AKAP13: variants seen among roughly 807,000 people sequenced by gnomAD.
AKAP13 encodes A-kinase anchoring protein 13, also known as A-kinase anchor protein 13.
A neutral mutation model predicts 264.5 loss-of-function variants in AKAP13; 80 were observed. The ratio of observed to expected loss-of-function variants is 0.30; its 90% CI spans 0.25 to 0.36. The LOEUF is 0.36. Ranked by LOEUF, AKAP13 falls within the 10% of genes least tolerant of loss-of-function variation. AKAP13 has a pLI of 1.00. For synonymous variants in AKAP13, 1,380 were observed against 1,250.2 expected, an observed-to-expected ratio of 1.10 and a Z score of -2.19; for missense variants, 3,712 against 3,435.2, an observed-to-expected ratio of 1.08 and a Z score of -2.01.
At chr15:85,512,587 A>G (rs1183734030) in intron 2 of AKAP13, among the ~76,000 whole-genome samples, 1 of 152,166 alleles carries the variant, frequency 6.6e-6, no homozygotes, top group Non-Finnish European at 1.5e-5. Context: ...TCCTACTTGG[A>G]TTTGAATTCC....
intron 2 of AKAP13, among the ~76,000 whole-genome samples, chr15:85,489,359 T>C (rs7164106): frequency 0.51 from 77,689 of 152,002 alleles, 20,407 homozygotes; most frequent in Middle Eastern, 0.61. Flanking sequence ...ACTTCAGGAT[T>C]CAAGTATGTC....
intron 1 of AKAP13, among the ~76,000 whole-genome samples, chr15:85,418,067 CAT>C (rs1491004419): frequency 7.5e-6 from 1 of 133,910 alleles, no homozygotes; most frequent in African/African-American, 3.2e-5. Flanking sequence ...TTATTATTAT[CAT>C]TATTATTATT....
At chr15:85,420,218 G>A (rs2072460653) in intron 1 of AKAP13, among the ~76,000 whole-genome samples, 1 of 151,872 alleles carries the variant, frequency 6.6e-6, no homozygotes, top group Admixed American at 6.5e-5. Context: ...TGGGATTACA[G>A]GCGTGAGCCA....
chr15:85,736,905 T>A (rs982409607), intron 33 of AKAP13, among the ~76,000 whole-genome samples: 1 of 140,852 alleles, frequency 7.1e-6, no homozygotes, highest in South Asian at 2.2e-4. Flanking sequence ...TCAAGTTATA[T>A]CATCATCTTT....
intron 2 of AKAP13, among the ~76,000 whole-genome samples, chr15:85,512,477 C>A (rs2076462247): frequency 1.3e-5 from 2 of 152,134 alleles, no homozygotes; most frequent in Non-Finnish European, 2.9e-5. Context: ...CTTCTATCAA[C>A]AATGATCTCT....
chr15:85,544,054 G>C (rs753589687), intron 5 of AKAP13, 99 bp downstream of exon 5: 2 of 1,428,740 alleles, frequency 1.4e-6, no homozygotes, highest in Non-Finnish European at 2.0e-6. Flanking sequence ...TGTGTTTGCC[G>C]CAAATTAAAA....
At chr15:85,388,951 G>A (rs979508848) in intron 1 of AKAP13, among the ~76,000 whole-genome samples, 3 of 152,180 alleles carry the variant, frequency 2.0e-5, no homozygotes, top group Non-Finnish European at 4.4e-5. Flanking sequence ...AAACTTATGT[G>A]TGTAAGTTGC....
At chr15:85,498,197 GAGATATATATATAT>G (rs71138401) in intron 2 of AKAP13, among the ~76,000 whole-genome samples, 1,101 of 30,088 alleles carry the variant, frequency 0.037, 31 homozygotes, top group Non-Finnish European at 0.056. Context: ...TAAATGAAGT[GAGATATATATATAT>G]ATATATATAT....
chr15:85,504,949 T>C (rs1044262966), intron 2 of AKAP13, among the ~76,000 whole-genome samples: 7 of 151,874 alleles, frequency 4.6e-5, no homozygotes, highest in Non-Finnish European at 8.8e-5. Context: ...TCTCTCTCTC[T>C]CCCTCTCTTT....
intron 23 of AKAP13, among the ~76,000 whole-genome samples, chr15:85,720,837 G>C (rs1416797310): frequency 6.6e-6 from 1 of 152,218 alleles, no homozygotes; most frequent in Non-Finnish European, 1.5e-5. Flanking sequence ...TAAATGCCAG[G>C]TAGAACTACA....
chr15:85,606,683 T>TA (rs1216832239), intron 8 of AKAP13, among the ~76,000 whole-genome samples: 1 of 152,190 alleles, frequency 6.6e-6, no homozygotes, highest in African/African-American at 2.4e-5. Context: ...GAAGAGATCT[T>TA]AAAGACTTTT....
intron 17 of AKAP13, among the ~76,000 whole-genome samples, chr15:85,695,632 A>G (rs533158994): frequency 1.3e-5 from 2 of 152,312 alleles, no homozygotes; most frequent in East Asian, 1.9e-4. Flanking sequence ...AGTCAGCAAC[A>G]CTATTTGTTT....
chr15:85,609,273 C>T (rs2080492236), intron 8 of AKAP13, among the ~76,000 whole-genome samples: 1 of 152,168 alleles, frequency 6.6e-6, no homozygotes. Flanking sequence ...CTCTTCTCCC[C>T]ATCCTTGTCC....
chr15:85,677,195 T>G (rs930158451), intron 14 of AKAP13: 1 of 925,620 alleles, frequency 1.1e-6, no homozygotes, highest in African/African-American at 1.8e-5. Context: ...TATGGGGGCT[T>G]TTAGCCTCTT....
intron 5 of AKAP13, 52 bp downstream of exon 5, chr15:85,544,007 C>T (rs760143436): frequency 8.1e-6 from 13 of 1,597,662 alleles, no homozygotes; most frequent in Admixed American, 6.7e-5. Context: ...GCCCCACCCC[C>T]GATTCATAGG....
intron 2 of AKAP13, among the ~76,000 whole-genome samples, chr15:85,498,994 A>T (rs1448427227): frequency 6.6e-6 from 1 of 152,238 alleles, no homozygotes; most frequent in African/African-American, 2.4e-5. Context: ...CTATGAATTA[A>T]ATTGGAACTG....
intron 8 of AKAP13, chr15:85,620,173 GT>G (rs1221609672): frequency 1.3e-6 from 2 of 1,536,028 alleles, no homozygotes; most frequent in Admixed American, 3.9e-5. Flanking sequence ...ATTGCTGAAG[GT>G]AAGGGGGGCT....
At chr15:85,596,277 G>A (rs2079822735) in intron 8 of AKAP13, among the ~76,000 whole-genome samples, 1 of 152,290 alleles carries the variant, frequency 6.6e-6, no homozygotes, top group East Asian at 1.9e-4. Flanking sequence ...GCTCCTGACT[G>A]AGTCATTAGT....
chr15:85,537,431 A>G (rs937211525), intron 4 of AKAP13, among the ~76,000 whole-genome samples: 4 of 152,248 alleles, frequency 2.6e-5, no homozygotes, highest in Admixed American at 2.0e-4. Flanking sequence ...TAGTTTATGT[A>G]AGATTTATGG....
Sources: allele counts gnomAD v4.1 joint callset (sites outside exome capture counted in the v4.1 genomes callset), GRCh38; gene constraint gnomAD v4.1.1; transcripts MANE v1.5; gene names NCBI Gene and HGNC (gene_info 2026-07-23, HGNC 2026-07-21).